SLC26A1: variants seen among roughly 807,000 people sequenced by gnomAD.
SLC26A1 encodes the protein sulfate anion transporter 1.
A neutral mutation model predicts 14.5 loss-of-function variants in SLC26A1; 18 were observed. That is an observed-to-expected ratio of 1.24 (90% CI 0.86 to 1.84). The LOEUF (loss-of-function observed/expected upper bound fraction) is 1.84. SLC26A1 is among the 40% of genes most tolerant of loss of function. SLC26A1 has a pLI of 0.00. For missense variants in SLC26A1, 1,049 were observed against 1,020.0 expected, an observed-to-expected ratio of 1.03 and a Z score of -0.39; for synonymous variants, 505 against 492.0, an observed-to-expected ratio of 1.03 and a Z score of -0.35.
At position 989,743 on chromosome 4, in the gene SLC26A1, A is replaced by T. The variant is rs965854185; in HGVS notation, c.1196T>A (p.Leu399Gln). The T allele has an allele frequency of 7.7e-6, 12 of 1,557,258 alleles. No homozygotes were observed. The highest frequency in any genetic ancestry group is 1.0e-5 in the Non-Finnish European group (12 of 1,151,038). ...FLHCFATSAALAKSLVKTATG... is the reference protein window; with the variant it reads ...FLHCFATSAAQAKSLVKTATG... Reference sequence around the variant, plus strand: ...GGCTGTCTTCACCAGGCTCTTGGCCAGGGCGGCGCTGGTGGCGAAGCAGTG... The same window carrying T: ...GGCTGTCTTCACCAGGCTCTTGGCCTGGGCGGCGCTGGTGGCGAAGCAGTG... Residue 399 changes from leucine (L) to glutamine (Q), a missense_variant, in exon 3 of 3, where the codon CTG becomes CAG. By Grantham distance (113) the Leu-to-Gln change is moderately radical. Coordinates refer to ENST00000398516, the MANE Select transcript of SLC26A1 (RefSeq NM_022042.4).
chr4:987,520 G>A, downstream of SLC26A1: 3 of 923,634 alleles, frequency 3.2e-6, no homozygotes, highest in South Asian at 1.8e-5. Context: ...CCCTGCAGCG[G>A]GACCTGGCCT....
intron 2 of SLC26A1, chr4:990,832 G>T: frequency 2.3e-6 from 1 of 432,070 alleles, no homozygotes; most frequent in Non-Finnish European, 4.1e-6. Context: ...GAGGCCACAT[G>T]GCCTCAGTCC....
At chr4:986,817 G>A (rs1175547917), downstream of SLC26A1, 2 of 614,844 alleles carry the variant, frequency 3.3e-6, no homozygotes, top group Middle Eastern at 2.6e-4. Context: ...TAGCACCAAC[G>A]GGCGAAGCGT....
chr4:985,637 T>A (rs1197354589), downstream of SLC26A1, among the ~76,000 whole-genome samples: 1 of 152,240 alleles, frequency 6.6e-6, no homozygotes, highest in Non-Finnish European at 1.5e-5. Context: ...TTGCATGGTT[T>A]CTCTCGCCTT....
At chr4:991,836 A>T in intron 1 of SLC26A1, 106 bp from the exon 2 acceptor site, 1 of 1,530,538 alleles carries the variant, frequency 6.5e-7, no homozygotes. Flanking sequence ...TCGCCCACCC[A>T]GGGCCGGGGA....
rs758706110 is a variant in SLC26A1 at position 990,061 on chromosome 4, G to A, written c.878C>T (p.Pro293Leu). The A allele has an allele frequency of 1.4e-5, 22 of 1,601,718 alleles. No individual in the cohort carries two copies. The South Asian group carries it at 2.4e-4, about 17-fold the overall frequency. Residue 293 changes from proline (P) to leucine (L), a missense_variant, in exon 3 of 3, where the codon CCC becomes CTC. Transcript: ENST00000398516. ...RYRHRLRVPL[P>L]TELLVIVVAT... ...CACCACGATGACCAGCAGCTCCGTG[G>A]GCAGCGGCACCCTCAGGCGGTGTCG...
rs1009700328 is a variant in SLC26A1 at position 988,656 on chromosome 4, G to A, written c.*177C>T. 4.8e-5 allele frequency: 68 copies of A among 1,406,324 alleles called. No homozygotes were observed. The highest frequency in any genetic ancestry group is 3.7e-4 in the East Asian group (14 of 37,810). 87.1% of individuals were successfully genotyped at this position (1,406,324 alleles called of 1,614,324 possible). ...TGATTTCTGAGTGTTTGGGTCCTGC[G>A]TGTGATCAGAGGGCCTCCTTTCCCA... On this transcript the variant is annotated 3_prime_UTR_variant, in exon 3 of 3. Transcript: ENST00000398516.
At chr4:992,169 T>C (rs531985441) in intron 1 of SLC26A1, 1 of 464,228 alleles carries the variant, frequency 2.2e-6, no homozygotes, top group African/African-American at 2.0e-5. Flanking sequence ...TCACAGTCAC[T>C]GGACACAGGT....
At chr4:990,871 C>A in intron 2 of SLC26A1, 1 of 500,510 alleles carries the variant, frequency 2.0e-6, no homozygotes, top group South Asian at 3.3e-5. Flanking sequence ...CCACACCTGG[C>A]CTGCTGGTCC....
Position 987,953 on chromosome 4 carries a change from G to A in SLC26A1, c.*880C>T. On this transcript the variant is annotated 3_prime_UTR_variant, in exon 3 of 3. Coordinates refer to ENST00000398516, the MANE Select transcript of SLC26A1 (RefSeq NM_022042.4). The stretch of plus-strand genomic sequence containing the variant: ...TGCTGGAGCTTGTCACCACCAGGTG[G>A]GCGGCGGGCAGGGTCTGGGCGTCCC... 6.4e-7 allele frequency: 1 copy of A among 1,569,698 alleles called. No individual in the cohort carries two copies. Among genetic ancestry groups the A allele is most frequent in the South Asian group, 1.2e-5 (1 of 86,228 alleles).
In SLC26A1 at chr4:989,051, G is replaced by T; in HGVS notation, c.1888C>A (p.Leu630Met). The change falls in exon 3 of 3, where the codon CTG (leucine) becomes ATG (methionine). Residue 630 changes from leucine (L) to methionine (M), a missense_variant. Leu to Met is a conservative substitution (Grantham distance 15, BLOSUM62 2). Transcript: ENST00000398516. ...CCGTAGTCTCGGCGCAGGTCCTGCAGCGTGCTCACACCGGCTGCGTCTAGG... is the reference window on the plus strand; with the variant it reads ...CCGTAGTCTCGGCGCAGGTCCTGCATCGTGCTCACACCGGCTGCGTCTAGG... The part of the protein sequence containing the change: ...LFLDAAGVST[L>M]QDLRRDYGAL... 1 of 1,584,708 alleles carries T rather than the reference G, an allele frequency of 6.3e-7. No homozygotes were observed. Among genetic ancestry groups the T allele is most frequent in the Non-Finnish European group, 8.6e-7 (1 of 1,166,164 alleles).
chr4:990,955 G>A, intron 2 of SLC26A1, 173 bp downstream of exon 2: 1 of 647,560 alleles, frequency 1.5e-6, no homozygotes. Context: ...CTCCGCGTCG[G>A]TGCCTCGCCC....
chr4:992,268 C>T (rs1714420935), intron 1 of SLC26A1: 1 of 450,142 alleles, frequency 2.2e-6, no homozygotes, highest in African/African-American at 2.0e-5. Flanking sequence ...CATGCCCACA[C>T]CAGAGCCCTC....
chr4:990,702 G>A (rs959397504), intron 2 of SLC26A1: 12 of 420,852 alleles, frequency 2.9e-5, no homozygotes, highest in Non-Finnish European at 4.7e-5. Flanking sequence ...TCCTACACAT[G>A]GTGCCCACTG....
chr4:986,903 T>A (rs1314147025), downstream of SLC26A1: 1 of 676,802 alleles, frequency 1.5e-6, no homozygotes, highest in African/African-American at 1.8e-5. Context: ...CTCCAAGCCC[T>A]GCCGTGCTCC....
chr4:986,657 T>C (rs1017847904), downstream of SLC26A1: 3 of 417,852 alleles, frequency 7.2e-6, no homozygotes, highest in Non-Finnish European at 1.5e-5. Context: ...CTCAGGAGGC[T>C]GGGGTGAGAA....
Position 991,295 on chromosome 4 carries a change from C to A in SLC26A1, c.409G>T (p.Val137Leu), listed in dbSNP as rs1183231016. The change falls in exon 2 of 3, where the codon GTG becomes TTG. Residue 137 changes from valine (V) to leucine (L), a missense_variant. By Grantham distance (32) the Val-to-Leu change is conservative (BLOSUM62 1). Coordinates refer to ENST00000398516, the MANE Select transcript of SLC26A1 (RefSeq NM_022042.4). ...CCGGCCAGCTGGAGCTCCCGGTCCA[C>A]CACCTGCCCCACCATGAGGCAAAGC... ...SLLCLMVGQV[V>L]DRELQLAGFD... 2 of 1,612,776 alleles carry A rather than the reference C, an allele frequency of 1.2e-6. No homozygotes were observed. The highest frequency in any genetic ancestry group is 1.7e-6 in the Non-Finnish European group (2 of 1,179,906).
Position 990,126 on chromosome 4 carries a change from C to G in SLC26A1, c.813G>C (p.Leu271=). The G allele has an allele frequency of 6.3e-7, 1 of 1,576,682 alleles. No homozygotes were observed. Among genetic ancestry groups the G allele is most frequent in the Non-Finnish European group, 8.6e-7 (1 of 1,162,806 alleles). Residue 271 remains leucine (L), a synonymous_variant, in exon 3 of 3, where the codon CTG becomes CTC. Coordinates refer to ENST00000398516, the MANE Select transcript of SLC26A1 (RefSeq NM_022042.4). ...VCDVVTSTVC[L]AVLLAAKELS... The stretch of plus-strand genomic sequence containing the variant: ...GCTCCTTCGCGGCTAGCAGCACCGC[C>G]AGGCACACCGTGCTGGTGACCACGT...
In SLC26A1 at chr4:989,989, G is replaced by C; in HGVS notation, c.950C>G (p.Ser317Trp). 1 of 1,562,710 alleles carries C rather than the reference G, an allele frequency of 6.4e-7. No homozygotes were observed. Among genetic ancestry groups the C allele is most frequent in the Admixed American group, 1.9e-5 (1 of 52,920 alleles). The change falls in exon 3 of 3, where the codon TCG (serine) becomes TGG (tryptophan). Residue 317 changes from serine to tryptophan, a missense_variant. Transcript: ENST00000398516. ...CGTGGGGATGTCGCCAGCCACGCTC[G>C]AGCCAAAGCGCTTGTGGAGCTGCCC... ...HFGQLHKRFG[S>W]SVAGDIPTGF...
Sources: allele counts gnomAD v4.1 joint callset (sites outside exome capture counted in the v4.1 genomes callset), GRCh38; gene constraint gnomAD v4.1.1; transcripts MANE v1.5; gene names NCBI Gene and HGNC (gene_info 2026-07-23, HGNC 2026-07-21).